RPL23: variants seen among roughly 807,000 people sequenced by gnomAD.
The protein encoded by RPL23 is ribosomal protein L23.
For synonymous variants in RPL23, 63 were observed against 65.3 expected (o/e 0.97, Z 0.17); for missense variants, 79 against 178.8 (o/e 0.44, Z 3.18).
At chr17:38,852,881 T>G (rs1196680627) in intron 2 of RPL23, 141 bp downstream of exon 2, 2 of 1,373,318 alleles carry the variant, frequency 1.5e-6, no homozygotes, top group East Asian at 2.3e-5. Context: ...CACCACCGAT[T>G]GAAGCAAACA....
Position 38,848,939 on chromosome 17 carries a change from CA to C in RPL23, c.*1192del. ...TGTTCTAAACAAACACCCATTTTTCCAAAACGCTGGGTGTCACCTAAATAAA... is the reference window on the plus strand; with the variant it reads ...TGTTCTAAACAAACACCCATTTTTCCAAACGCTGGGTGTCACCTAAATAAA... On this transcript the variant is annotated 3_prime_UTR_variant, in exon 5 of 5. Transcript: ENST00000479035. The C allele has an allele frequency of 6.6e-6, 1 of 152,208 alleles. No homozygotes were observed. The highest frequency in any genetic ancestry group is 2.4e-5 in the African/African-American group (1 of 41,554). The allele number at this position is 152,208 out of a possible 1,614,324, so 9.4% of individuals were successfully genotyped here. A position where few individuals can be genotyped will look rare whatever the true frequency, so the allele number is the denominator to read the frequency against.
rs1912965550 is a variant in RPL23 at position 38,850,351 on chromosome 17, T to G, written c.340+11A>C. ...CAGAGACCTAAGGAACAAGCTGGACTGATTTCCTACCTTTCATCTCGCCTT... is the reference window on the plus strand; with the variant it reads ...CAGAGACCTAAGGAACAAGCTGGACGGATTTCCTACCTTTCATCTCGCCTT... On this transcript the variant is annotated intron_variant, in intron 4 of 4. Transcript: ENST00000479035. 6.2e-7 allele frequency: 1 copy of G among 1,607,732 alleles called. No homozygotes were observed. Among genetic ancestry groups the G allele is most frequent in the African/African-American group, 1.3e-5 (1 of 74,788 alleles).
At chr17:38,850,341 C>T in intron 4 of RPL23, 21 bp downstream of exon 4, 1 of 1,600,894 alleles carries the variant, frequency 6.2e-7, no homozygotes, top group Non-Finnish European at 8.6e-7. Flanking sequence ...ACCTAAGGAA[C>T]AAGCTGGACT....
Position 38,849,723 on chromosome 17 carries a change from C to A in RPL23, c.*409G>T, listed in dbSNP as rs192536345. ...TACTATTATTTTTGGGACTCAAAAC[C>A]CAAATAATACTTTTTGAGGCCAAAA... On this transcript the variant is annotated 3_prime_UTR_variant, in exon 5 of 5. Coordinates refer to ENST00000479035, the MANE Select transcript of RPL23 (RefSeq NM_000978.4). The A allele has an allele frequency of 4.7e-4, 75 of 158,352 alleles. 1 individual carries two copies. In the East Asian group the frequency reaches 0.012, roughly 25 times the overall value. 9.8% of individuals were successfully genotyped at this position (158,352 alleles called of 1,614,324 possible).
In RPL23 at chr17:38,847,933, A is replaced by T. The variant is rs1043511918; in HGVS notation, c.*2199T>A. ...AAGAATAAAATGTGAGGTGGGATGC[A>T]GTGGCTCACACTTGTAATTGCAGCC... On this transcript the variant is annotated 3_prime_UTR_variant, in exon 5 of 5. Transcript: ENST00000479035. 3 of 1,531,350 alleles carry T rather than the reference A, an allele frequency of 2.0e-6. No individual in the cohort carries two copies. The African/African-American group carries it at 4.2e-5, about 21-fold the overall frequency. The allele number at this position is 1,531,350 out of a possible 1,614,324, so 94.9% of individuals were successfully genotyped here. A position where few individuals can be genotyped will look rare whatever the true frequency, so the allele number is the denominator to read the frequency against.
At chr17:38,853,000 T>C (rs767610446) in intron 2 of RPL23, 22 bp downstream of exon 2, 8 of 1,608,544 alleles carry the variant, frequency 5.0e-6, no homozygotes, top group East Asian at 2.2e-5. Flanking sequence ...AGGGGGAGTA[T>C]AGCAACGTGC....
At position 38,848,153 on chromosome 17, in the gene RPL23, G is replaced by C; in HGVS notation, c.*1979C>G. ...ATAATATATAAAGACATAAATGGTG[G>C]GCCTAGGGGCTTGTCACACTAAAGC... On this transcript the variant is annotated 3_prime_UTR_variant, in exon 5 of 5. Coordinates refer to ENST00000479035, the MANE Select transcript of RPL23 (RefSeq NM_000978.4). 3 of 1,310,522 alleles carry C rather than the reference G, an allele frequency of 2.3e-6. No homozygotes were observed. The highest frequency in any genetic ancestry group is 3.0e-6 in the Non-Finnish European group (3 of 1,016,582). 81.2% of individuals were successfully genotyped at this position (1,310,522 alleles called of 1,614,324 possible).
intron 4 of RPL23, 47 bp from the exon 5 acceptor site, chr17:38,850,261 C>G: frequency 4.5e-6 from 7 of 1,548,474 alleles, no homozygotes; most frequent in Non-Finnish European, 6.2e-6. Flanking sequence ...ATGTGGGGGA[C>G]AGATTAAGAC....
chr17:38,850,588 TA>T, intron 3 of RPL23, 113 bp from the exon 4 acceptor site: 1 of 711,062 alleles, frequency 1.4e-6, no homozygotes, highest in Admixed American at 2.2e-5. Context: ...AGTGACAGTG[TA>T]AATATCAATC....
Position 38,849,827 on chromosome 17 carries a change from CCA to C in RPL23, c.*303_*304del, listed in dbSNP as rs754715338. 5 of 240,392 alleles carry C rather than the reference CCA, an allele frequency of 2.1e-5. No homozygotes were observed. The highest frequency in any genetic ancestry group is 3.1e-5 in the Non-Finnish European group (4 of 127,094). The allele number at this position is 240,392 out of a possible 1,614,324, so 14.9% of individuals were successfully genotyped here. On this transcript the variant is annotated 3_prime_UTR_variant, in exon 5 of 5. Transcript: ENST00000479035. ...AAGGATTGCTTTAAAAAAAAAATGC[CCA>C]GAGTTTCCATTTCAGAAAAGTGATG...
intron 3 of RPL23, chr17:38,851,081 T>C (rs529241122): frequency 6.6e-6 from 1 of 152,384 alleles, no homozygotes; most frequent in African/African-American, 2.4e-5. Flanking sequence ...TACCCATCTG[T>C]ACTAAAGTGA....
chr17:38,850,657 A>C, intron 3 of RPL23, 182 bp from the exon 4 acceptor site: 1 of 523,864 alleles, frequency 1.9e-6, no homozygotes, highest in South Asian at 2.6e-5. Context: ...GGTGCACACT[A>C]CCATGCCCAG....
At position 38,853,056 on chromosome 17, in the gene RPL23, C is replaced by T; in HGVS notation, c.63G>A (p.Pro21=). The change falls in exon 2 of 5, where the codon CCG becomes CCA. Residue 21 remains proline (P), a synonymous_variant. Coordinates refer to ENST00000479035, the MANE Select transcript of RPL23 (RefSeq NM_000978.4). ...CAGCACAATTGATTACAGCTCCTAC[C>T]GGAAGACCCAAGGAAATCCGGAATT... ...GAKFRISLGL[P]VGAVINCADN... is the part of the protein sequence containing the mutation. 3 of 1,614,142 alleles carry T rather than the reference C, an allele frequency of 1.9e-6. No homozygotes were observed. Among genetic ancestry groups the T allele is most frequent in the South Asian group, 1.1e-5 (1 of 91,082 alleles).
Position 38,849,899 on chromosome 17 carries a change from C to T in RPL23, c.*233G>A. 1 of 421,402 alleles carries T rather than the reference C, an allele frequency of 2.4e-6. No individual in the cohort carries two copies. Among genetic ancestry groups the T allele is most frequent in the Non-Finnish European group, 4.2e-6 (1 of 237,200 alleles). The allele number at this position is 421,402 out of a possible 1,614,324, so 26.1% of individuals were successfully genotyped here. On this transcript the variant is annotated 3_prime_UTR_variant, in exon 5 of 5. Transcript: ENST00000479035. ...ACTGTAGAGGCCTGGGTGGGCAGATCACTTGAGATCAGGAGTTTGAGTCGT... is the reference window on the plus strand; with the variant it reads ...ACTGTAGAGGCCTGGGTGGGCAGATTACTTGAGATCAGGAGTTTGAGTCGT...
intron 2 of RPL23, 141 bp from the exon 3 acceptor site, chr17:38,852,873 C>T (rs775995728): frequency 2.2e-6 from 3 of 1,392,648 alleles, no homozygotes; most frequent in Admixed American, 1.7e-5. Context: ...CCTTGTCACA[C>T]CACCGATTGA....
In RPL23 at chr17:38,852,692, C is replaced by T. The variant is rs146072701; in HGVS notation, c.138G>A (p.Lys46=). The change falls in exon 3 of 5, where the codon AAG becomes AAA. Residue 46 remains lysine, a synonymous_variant. Coordinates refer to ENST00000479035, the MANE Select transcript of RPL23 (RefSeq NM_000978.4). ...CAGCGGGAAGTCTGTTCAGCCGTCC[C>T]TTGATCCCCTTCACGGAGATGATAT... ...NLYIISVKGI[K]GRLNRLPAAG... 70 of 1,614,074 alleles carry T rather than the reference C, an allele frequency of 4.3e-5. No homozygotes were observed. The African/African-American group carries it at 4.9e-4, about 11-fold the overall frequency.
Position 38,852,707 on chromosome 17 carries a change from G to C in RPL23, c.123C>G (p.Ser41=). The C allele has an allele frequency of 6.2e-7, 1 of 1,614,076 alleles. No individual in the cohort carries two copies. Among genetic ancestry groups the C allele is most frequent in the Non-Finnish European group, 8.5e-7 (1 of 1,180,036 alleles). ...TCAGCCGTCCCTTGATCCCCTTCAC[G>C]GAGATGATATACAGGTTTTTGGCTC... ...NTGAKNLYII[S]VKGIKGRLNR... The change falls in exon 3 of 5, where the codon TCC becomes TCG. Residue 41 remains serine, a synonymous_variant. Transcript: ENST00000479035.
chr17:38,853,481 T>G (rs938522662), intron 1 of RPL23: 3 of 723,110 alleles, frequency 4.1e-6, no homozygotes, highest in Admixed American at 4.0e-5. Context: ...TCTCGCGGTA[T>G]CCAGACTACA....
chr17:38,853,175 C>G, intron 1 of RPL23, 70 bp from the exon 2 acceptor site: 1 of 1,175,342 alleles, frequency 8.5e-7, no homozygotes, highest in South Asian at 1.2e-5. Flanking sequence ...AGTTCCCCCT[C>G]ATACTCAAGC....
Sources: allele counts gnomAD v4.1 joint callset, GRCh38; gene constraint gnomAD v4.1.1; transcripts MANE v1.5; gene names NCBI Gene and HGNC (gene_info 2026-07-23, HGNC 2026-07-21).